The following OR1I1 variants were observed in gnomAD, a reference collection of about 807,000 sequenced individuals.
The protein encoded by OR1I1 is olfactory receptor family 1 subfamily I member 1.
For synonymous variants in OR1I1, 171 were observed against 181.4 expected (o/e 0.94, Z 0.46); for missense variants, 451 against 443.6 (o/e 1.02, Z -0.15).
chr19:15,087,050 TA>T lies in OR1I1; in HGVS notation c.-13-2del. 4 of 1,592,730 alleles carry T rather than the reference TA, an allele frequency of 2.5e-6. No homozygotes were observed. The highest frequency in any genetic ancestry group is 1.7e-4 in the Middle Eastern group (1 of 5,942). On this transcript the variant is annotated splice_acceptor_variant, in intron 1 of 1. Transcript: ENST00000641398. LOFTEE classifies it low-confidence loss of function (5UTR_SPLICE). Reference sequence around the variant, plus strand: ...GGTTTTTCTCCCTTTTTGTTCCCACTAGTCACAGACCATACATGGAACCAGA... The same window carrying T: ...GGTTTTTCTCCCTTTTTGTTCCCACTGTCACAGACCATACATGGAACCAGA...
intron 1 of OR1I1, among the ~76,000 whole-genome samples, chr19:15,084,668 C>G (rs1198175339): frequency 2.6e-5 from 4 of 152,132 alleles, no homozygotes; most frequent in Non-Finnish European, 5.9e-5. Context: ...CACTATGGCA[C>G]ACGTTTACCT....
In OR1I1 at chr19:15,089,890, C is replaced by T. The variant is rs946050315; in HGVS notation, c.*1757C>T. On this transcript the variant is annotated 3_prime_UTR_variant, in exon 2 of 2. Transcript: ENST00000641398. ...TATGTTGAAGTCCTAACCCCAAGGA[C>T]CTCAGAATGTGACCATATTTGAAGA... is the stretch of plus-strand genomic sequence containing the variant. 7.2e-5 allele frequency: 11 copies of T among 152,040 alleles called. No homozygotes were observed. Among genetic ancestry groups the T allele is most frequent in the African/African-American group, 2.7e-4 (11 of 41,416 alleles). 9.4% of individuals were successfully genotyped at this position (152,040 alleles called of 1,614,324 possible).
At chr19:15,084,112 A>C (rs1203156214) in intron 1 of OR1I1, among the ~76,000 whole-genome samples, 1 of 152,174 alleles carries the variant, frequency 6.6e-6, no homozygotes, top group Non-Finnish European at 1.5e-5. Flanking sequence ...GAGGCAGTGG[A>C]GTATGAGAGT....
Position 15,087,672 on chromosome 19 carries a change from G to C in OR1I1, c.607G>C (p.Gly203Arg), listed in dbSNP as rs143133290. The change falls in exon 2 of 2, where the codon GGC becomes CGC. Residue 203 changes from glycine to arginine, a missense_variant. Physicochemically the swap from Gly to Arg is moderately radical, Grantham distance 125. Transcript: ENST00000641398. ...HTNELVIFAF[G>R]IVVGTSPFSC... is the part of the protein sequence containing the mutation. ...CAACGAGCTGGTGATCTTTGCTTTT[G>C]GCATTGTCGTGGGCACCAGCCCATT... 1 of 1,614,172 alleles carries C rather than the reference G, an allele frequency of 6.2e-7. No individual in the cohort carries two copies.
intron 1 of OR1I1, among the ~76,000 whole-genome samples, chr19:15,083,590 A>C (rs1049981808): frequency 2.9e-5 from 2 of 68,870 alleles, no homozygotes; most frequent in Non-Finnish European, 7.1e-5. Context: ...AACACTAAAA[A>C]GCCTCAAAAA....
Position 15,087,350 on chromosome 19 carries a change from G to T in OR1I1, c.285G>T (p.Val95=). ...IQAQSRAIPF[V]GCLTQMYAFH... ...CTCAGAGCAGAGCCATCCCCTTTGT[G>T]GGCTGCCTCACCCAGATGTATGCCT... is the stretch of plus-strand genomic sequence containing the variant. The change falls in exon 2 of 2, where the codon GTG becomes GTT. Residue 95 remains valine, a synonymous_variant. Transcript: ENST00000641398. 6.2e-7 allele frequency: 1 copy of T among 1,614,122 alleles called. No individual in the cohort carries two copies. Among genetic ancestry groups the T allele is most frequent in the Non-Finnish European group, 8.5e-7 (1 of 1,180,012 alleles).
chr19:15,082,351 G>GTC (rs1568321215), intron 1 of OR1I1, 75 bp downstream of exon 1: 1 of 152,334 alleles, frequency 6.6e-6, no homozygotes, highest in African/African-American at 2.4e-5. Context: ...GGAGAAGGAG[G>GTC]CTTCCCGGGA....
rs2046259175 is a variant in OR1I1 at position 15,092,089 on chromosome 19, T to TTC, written c.*3957_*3958insCT. 2.1e-5 allele frequency: 1 copy of TTC among 47,140 alleles called. No homozygotes were observed. The highest frequency in any genetic ancestry group is 5.0e-5 in the African/African-American group (1 of 20,162). 2.9% of individuals were successfully genotyped at this position (47,140 alleles called of 1,614,324 possible). ...TTTCACAAATTGGATTTAAAACGCT[T>TTC]TTTTTTTTTTTTTTTTTTTTTGGTT... On this transcript the variant is annotated 3_prime_UTR_variant, in exon 2 of 2. Coordinates refer to ENST00000641398, the MANE Select transcript of OR1I1 (RefSeq NM_001004713.2).
rs2046261480 is a variant in OR1I1, at chr19:15,092,530, AC to A, written c.*4398del. ...GGACCTTACCATCTCCGTTGCAATG[AC>A]TGAACTCTGCTGCTGTCTGGCGAAA... On this transcript the variant is annotated 3_prime_UTR_variant, in exon 2 of 2. Coordinates refer to ENST00000641398, the MANE Select transcript of OR1I1 (RefSeq NM_001004713.2). The A allele has an allele frequency of 6.6e-6, 1 of 152,178 alleles. No homozygotes were observed. The highest frequency in any genetic ancestry group is 1.5e-5 in the Non-Finnish European group (1 of 68,046). 9.4% of individuals were successfully genotyped at this position (152,178 alleles called of 1,614,324 possible).
At position 15,085,176 on chromosome 19, in the gene OR1I1, A is replaced by ATTTT. The variant is rs757508009; in HGVS notation, c.-13-1869_-13-1866dup. ...TATATATATATATATATATATATAT[A>ATTTT]TTTTTTTTTTTGAGACAGAGTTTCG... On this transcript the variant is annotated intron_variant, in intron 1 of 1. Transcript: ENST00000641398. 2.3e-3 allele frequency among the ~76,000 whole-genome samples: 183 copies of ATTTT among 80,102 alleles called. 6 individuals carry two copies. The highest frequency in any genetic ancestry group is 5.6e-3 in the Admixed American group (31 of 5,522). 52.6% of individuals were successfully genotyped at this position (80,102 alleles called of 152,430 possible).
In OR1I1 at chr19:15,089,319, G is replaced by A. The variant is rs2046247654; in HGVS notation, c.*1186G>A. On this transcript the variant is annotated 3_prime_UTR_variant, in exon 2 of 2. Coordinates refer to ENST00000641398, the MANE Select transcript of OR1I1 (RefSeq NM_001004713.2). ...GCTTCCTGTCTCCCCACAACCCCCA[G>A]TCAAGGGGACTCTGATGCAGACGGT... The A allele has an allele frequency of 6.6e-6, 1 of 152,160 alleles. No individual in the cohort carries two copies. The highest frequency in any genetic ancestry group is 1.5e-5 in the Non-Finnish European group (1 of 68,044). The allele number at this position is 152,160 out of a possible 1,614,324, so 9.4% of individuals were successfully genotyped here. A position where few individuals can be genotyped will look rare whatever the true frequency, so the allele number is the denominator to read the frequency against.
In OR1I1 at chr19:15,089,322, A is replaced by G. The variant is rs2046247666; in HGVS notation, c.*1189A>G. The G allele has an allele frequency of 1.3e-5, 2 of 152,128 alleles. No individual in the cohort carries two copies. Among genetic ancestry groups the G allele is most frequent in the African/African-American group, 4.8e-5 (2 of 41,418 alleles). 9.4% of individuals were successfully genotyped at this position (152,128 alleles called of 1,614,324 possible). A position where few individuals can be genotyped will look rare whatever the true frequency, so the allele number is the denominator to read the frequency against. On this transcript the variant is annotated 3_prime_UTR_variant, in exon 2 of 2. Transcript: ENST00000641398. ...TCCTGTCTCCCCACAACCCCCAGTC[A>G]AGGGGACTCTGATGCAGACGGTCCA...
In OR1I1 at chr19:15,087,212, CA is replaced by C; in HGVS notation, c.148del (p.Ile50SerfsTer33). On this transcript the variant is annotated frameshift_variant, in exon 2 of 2. Transcript: ENST00000641398. LOFTEE classifies it low-confidence loss of function (END_TRUNC). ...IGNALIILAI[I>X]TDSHLHTPMY... ...GAAATGCCCTCATTATCCTGGCCATCATCACGGACTCTCACCTCCACACACC... is the reference window on the plus strand; with the variant it reads ...GAAATGCCCTCATTATCCTGGCCATCTCACGGACTCTCACCTCCACACACC... 6.2e-7 allele frequency: 1 copy of C among 1,614,126 alleles called. No homozygotes were observed. Among genetic ancestry groups the C allele is most frequent in the Admixed American group, 1.7e-5 (1 of 60,000 alleles).
intron 1 of OR1I1, among the ~76,000 whole-genome samples, chr19:15,084,714 G>A (rs917452016): frequency 6.6e-6 from 1 of 151,792 alleles, no homozygotes; most frequent in Non-Finnish European, 1.5e-5. Context: ...CGTGTATCCT[G>A]GAACTTAAAA....
chr19:15,084,629 G>A (rs900921058), intron 1 of OR1I1, among the ~76,000 whole-genome samples: 2 of 152,028 alleles, frequency 1.3e-5, no homozygotes, highest in Non-Finnish European at 2.9e-5. Flanking sequence ...GCTTAATACC[G>A]AGGTGATGGC....
Position 15,089,461 on chromosome 19 carries a change from C to T in OR1I1, c.*1328C>T, listed in dbSNP as rs1202324956. 1 of 152,184 alleles carries T rather than the reference C, an allele frequency of 6.6e-6. No homozygotes were observed. 9.4% of individuals were successfully genotyped at this position (152,184 alleles called of 1,614,324 possible). On this transcript the variant is annotated 3_prime_UTR_variant, in exon 2 of 2. Transcript: ENST00000641398. ...ATGATTCTACACGCAGGGTCAGCCA[C>T]AGCAGATCAGGTGGCCCGGGGCACT...
intron 1 of OR1I1, among the ~76,000 whole-genome samples, chr19:15,084,951 T>C (rs572495094): frequency 6.6e-6 from 1 of 151,632 alleles, no homozygotes; most frequent in East Asian, 2.0e-4. Context: ...GCCACCGCAC[T>C]GCAGCCTGGG....
rs897116788 is a variant in OR1I1, at chr19:15,088,734, T to C, written c.*601T>C. 3 of 143,880 alleles carry C rather than the reference T, an allele frequency of 2.1e-5. No homozygotes were observed. In the Admixed American group the frequency reaches 2.1e-4, roughly 10 times the overall value. 8.9% of individuals were successfully genotyped at this position (143,880 alleles called of 1,614,324 possible). On this transcript the variant is annotated 3_prime_UTR_variant, in exon 2 of 2. Coordinates refer to ENST00000641398, the MANE Select transcript of OR1I1 (RefSeq NM_001004713.2). ...TAGACAGACAGATAGATAGAGAGGATAAGATAAGATAGGTAGATAGGGTGG... is the reference window on the plus strand; with the variant it reads ...TAGACAGACAGATAGATAGAGAGGACAAGATAAGATAGGTAGATAGGGTGG...
Position 15,086,420 on chromosome 19 carries a change from G to A in OR1I1, c.-13-633G>A, listed in dbSNP as rs192943492. Among the ~76,000 whole-genome samples the A allele has an allele frequency of 2.0e-5, 3 of 152,114 alleles. No homozygotes were observed. The East Asian group carries it at 5.8e-4, about 29-fold the overall frequency. ...TTTACTGTATAGAGTTTTTGTTGAG[G>A]TTTGATTCTGCTTGATTTTCTTTTT... On this transcript the variant is annotated intron_variant, in intron 1 of 1. Coordinates refer to ENST00000641398, the MANE Select transcript of OR1I1 (RefSeq NM_001004713.2).
Sources: allele counts gnomAD v4.1 joint callset (sites outside exome capture counted in the v4.1 genomes callset), GRCh38; gene constraint gnomAD v4.1.1; transcripts MANE v1.5; gene names NCBI Gene and HGNC (gene_info 2026-07-23, HGNC 2026-07-21).